Variants in TCF4 observed in about 807,000 individuals in gnomAD.
The protein encoded by TCF4 is transcription factor 4.
TCF4 carries 3 observed loss-of-function variants against 82.1 expected under a neutral mutation model. That is an observed-to-expected ratio of 0.04 (90% CI 0.02 to 0.09). The LOEUF (loss-of-function observed/expected upper bound fraction) is 0.09. Ranked by LOEUF, TCF4 falls within the 10% of genes least tolerant of loss-of-function variation. TCF4 has a pLI of 1.00. For synonymous variants in TCF4, 276 were observed against 309.6 expected, an observed-to-expected ratio of 0.89 and a Z score of 1.14; for missense variants, 518 against 852.7, an observed-to-expected ratio of 0.61 and a Z score of 4.89.
Position 55,530,680 on chromosome 18 carries a change from C to G in TCF4, c.145+54600G>C, listed in dbSNP as rs542262113. ...AATATTTTAAATATATATTTAAAAG[C>G]CAGGAGGAAAAAAACAAAATGAAAA... On this transcript the variant is annotated intron_variant, in intron 3 of 19. Transcript: ENST00000354452. Among the ~76,000 whole-genome samples, 20 of 151,350 alleles carry G rather than the reference C, an allele frequency of 1.3e-4. 1 individual carries two copies. In the South Asian group the frequency reaches 4.2e-3, roughly 32 times the overall value.
chr18:55,414,452 A>G (rs2094459457), intron 5 of TCF4, among the ~76,000 whole-genome samples: 2 of 152,214 alleles, frequency 1.3e-5, no homozygotes, highest in Non-Finnish European at 2.9e-5. Context: ...ATGTAAGACA[A>G]AAGAACTATA....
intron 2 of TCF4, among the ~76,000 whole-genome samples, chr18:55,619,400 G>A (rs1235807576): frequency 6.6e-6 from 1 of 152,036 alleles, no homozygotes; most frequent in East Asian, 1.9e-4. Context: ...TCTTATTCCT[G>A]ATACTGGTAA....
chr18:55,489,479 A>G (rs2145773392), intron 3 of TCF4, among the ~76,000 whole-genome samples: 1 of 152,284 alleles, frequency 6.6e-6, no homozygotes, highest in East Asian at 1.9e-4. Context: ...GATGTTAGTC[A>G]TCACCCCAAA....
At chr18:55,623,039 A>C (rs2097723082) in intron 2 of TCF4, among the ~76,000 whole-genome samples, 1 of 152,154 alleles carries the variant, frequency 6.6e-6, no homozygotes, top group Admixed American at 6.5e-5. Context: ...TTTATAGCTA[A>C]TAAAATTGTG....
intron 3 of TCF4, among the ~76,000 whole-genome samples, chr18:55,502,754 A>C (rs934264715): frequency 2.0e-5 from 3 of 152,238 alleles, no homozygotes; most frequent in Admixed American, 6.5e-5. Context: ...TAAGGAAAGG[A>C]ACTTATATTC....
intron 5 of TCF4, among the ~76,000 whole-genome samples, chr18:55,459,480 T>C (rs1382534889): frequency 6.6e-6 from 1 of 152,212 alleles, no homozygotes; most frequent in Admixed American, 6.5e-5. Context: ...CTGTAGCTCA[T>C]TGGAGGATCA....
At chr18:55,577,266 A>G (rs543644142) in intron 3 of TCF4, among the ~76,000 whole-genome samples, 1 of 147,278 alleles carries the variant, frequency 6.8e-6, no homozygotes, top group African/African-American at 2.5e-5. Flanking sequence ...TTATACATAT[A>G]TGTGTATATA....
chr18:55,524,412 T>A (rs1043110813), intron 3 of TCF4, among the ~76,000 whole-genome samples: 3 of 152,148 alleles, frequency 2.0e-5, no homozygotes, highest in Non-Finnish European at 4.4e-5. Context: ...AAAAACATTC[T>A]TCAAACATTA....
intron 15 of TCF4, among the ~76,000 whole-genome samples, chr18:55,245,623 T>C (rs987585214): frequency 6.6e-6 from 1 of 152,206 alleles, no homozygotes; most frequent in Non-Finnish European, 1.5e-5. Context: ...CTTACTTCCA[T>C]TTAGGTGCAT....
At position 55,601,720 on chromosome 18, in the gene TCF4, G is replaced by T. The variant is rs1276933168; in HGVS notation, c.287-14584C>A. On this transcript the variant is annotated intron_variant, in intron 2 of 20. Transcript: ENST00000398339. Reference sequence around the variant, plus strand: ...AATCACTTAAACCCGGCAGGCAGAGGTTGCAGTGAGCCGAGATCATGCCAC... The same window carrying T: ...AATCACTTAAACCCGGCAGGCAGAGTTTGCAGTGAGCCGAGATCATGCCAC... Among the ~76,000 whole-genome samples, 3 of 152,154 alleles carry T rather than the reference G, an allele frequency of 2.0e-5. No individual in the cohort carries two copies. The East Asian group carries it at 5.8e-4, about 29-fold the overall frequency.
At chr18:55,396,708 C>T (rs2093515289) in intron 6 of TCF4, among the ~76,000 whole-genome samples, 1 of 152,178 alleles carries the variant, frequency 6.6e-6, no homozygotes. Context: ...CCTCCTCTTA[C>T]AATTAAAGCC....
chr18:55,241,191 G>A (rs1447468219), intron 15 of TCF4, among the ~76,000 whole-genome samples: 1 of 152,140 alleles, frequency 6.6e-6, no homozygotes, highest in Admixed American at 6.6e-5. Flanking sequence ...GATGTGAGCC[G>A]ACCTCAGTTC....
chr18:55,455,661 AT>A (rs1238396649), intron 5 of TCF4, among the ~76,000 whole-genome samples: 6 of 152,148 alleles, frequency 3.9e-5, no homozygotes, highest in Non-Finnish European at 7.3e-5. Context: ...TGACATCTAT[AT>A]TCACAGTTCC....
intron 5 of TCF4, among the ~76,000 whole-genome samples, chr18:55,412,188 G>A (rs1268746081): frequency 6.6e-6 from 1 of 152,092 alleles, no homozygotes; most frequent in Non-Finnish European, 1.5e-5. Context: ...ACAAAAAGTA[G>A]ATTACTACTA....
chr18:55,410,210 T>C (rs1428576911), intron 5 of TCF4, among the ~76,000 whole-genome samples: 2 of 152,206 alleles, frequency 1.3e-5, no homozygotes, highest in African/African-American at 4.8e-5. Flanking sequence ...CTTCCGCTGA[T>C]GTTCTTTTAG....
At chr18:55,621,785 ATAT>A (rs1276997723) in intron 2 of TCF4, among the ~76,000 whole-genome samples, 2 of 89,648 alleles carry the variant, frequency 2.2e-5, no homozygotes, top group African/African-American at 8.8e-5. Context: ...AATATAATAT[ATAT>A]TATATATTAT....
chr18:55,594,104 GAC>G (rs966305593), intron 2 of TCF4, among the ~76,000 whole-genome samples: 42 of 152,268 alleles, frequency 2.8e-4, no homozygotes, highest in African/African-American at 7.2e-4. Flanking sequence ...AGAGATTTAT[GAC>G]ACACACAGTC....
chr18:55,316,099 G>A (rs907433333), intron 8 of TCF4, among the ~76,000 whole-genome samples: 12 of 151,976 alleles, frequency 7.9e-5, no homozygotes, highest in African/African-American at 2.9e-4. Flanking sequence ...GACTGTGAAA[G>A]ATTATTTATT....
intron 15 of TCF4, among the ~76,000 whole-genome samples, chr18:55,243,235 T>TA (rs2051916671): frequency 6.6e-6 from 1 of 152,260 alleles, no homozygotes. Context: ...AGCAAGCAGC[T>TA]AAGGACTGTG....
Sources: gnomAD v4.1 joint callset for allele counts (sites outside exome capture counted in the v4.1 genomes callset) on GRCh38, gnomAD v4.1.1 for gene constraint, MANE v1.5 for transcripts, NCBI Gene and HGNC (gene_info 2026-07-23, HGNC 2026-07-21) for gene names.